The following PIP4K2A variants were observed in gnomAD, a reference collection of about 807,000 sequenced individuals.
The protein encoded by PIP4K2A is phosphatidylinositol 5-phosphate 4-kinase type-2 alpha.
PIP4K2A carries 14 observed loss-of-function variants against 42.9 expected under a neutral mutation model. The observed-to-expected ratio is 0.33, with a 90% confidence interval of 0.22 to 0.51. The LOEUF (loss-of-function observed/expected upper bound fraction) is 0.51. PIP4K2A is among the 20% of genes least tolerant of loss of function. PIP4K2A has a pLI of 0.97. For missense variants in PIP4K2A, 434 were observed against 519.8 expected (o/e 0.83, Z 1.61); for synonymous variants, 192 against 192.2 (o/e 1.00, Z 0.01).
intron 1 of PIP4K2A, among the ~76,000 whole-genome samples, chr10:22,624,904 G>C (rs1195100546): frequency 6.6e-6 from 1 of 152,106 alleles, no homozygotes; most frequent in Non-Finnish European, 1.5e-5. Flanking sequence ...TTAGTAACTT[G>C]GAAATAGAAT....
In PIP4K2A at chr10:22,605,560, C is replaced by A. The variant is rs547952173; in HGVS notation, c.339+2367G>T. ...TCTCTGCTGCAGTGCAGAACTCAGA[C>A]CATAATGGGTTCATTTTGGATCTCA... On this transcript the variant is annotated intron_variant, in intron 3 of 9. Transcript: ENST00000376573. Among the ~76,000 whole-genome samples the A allele has an allele frequency of 2.8e-4, 43 of 152,280 alleles. No individual in the cohort carries two copies. In the South Asian group the frequency reaches 8.9e-3, roughly 32 times the overall value.
Position 22,595,977 on chromosome 10 carries a change from G to A in PIP4K2A, c.340-4196C>T, listed in dbSNP as rs192344520. ...TCCCAGCACTTTGGGAGGCCAAGGC[G>A]GGCAGATCACCTGAGGCTGGGAGTT... On this transcript the variant is annotated intron_variant, in intron 3 of 9. Coordinates refer to ENST00000376573, the MANE Select transcript of PIP4K2A (RefSeq NM_005028.5). Among the ~76,000 whole-genome samples the A allele has an allele frequency of 5.3e-3, 805 of 152,014 alleles. 10 individuals carry two copies. The highest frequency in any genetic ancestry group is 0.018 in the African/African-American group (758 of 41,430).
At chr10:22,713,383 C>T (rs764819704) in intron 1 of PIP4K2A, among the ~76,000 whole-genome samples, 36 of 151,980 alleles carry the variant, frequency 2.4e-4, no homozygotes, top group Non-Finnish European at 5.3e-4. Context: ...GGGACCCCCG[C>T]CTGCTGTCCC....
chr10:22,691,109 A>G (rs1839858369), intron 1 of PIP4K2A, among the ~76,000 whole-genome samples: 1 of 152,220 alleles, frequency 6.6e-6, no homozygotes. Flanking sequence ...CCTGAGGTTC[A>G]GACGGTGTGT....
At chr10:22,613,493 C>A (rs1327884175) in intron 1 of PIP4K2A, among the ~76,000 whole-genome samples, 1 of 152,038 alleles carries the variant, frequency 6.6e-6, no homozygotes, top group African/African-American at 2.4e-5. Context: ...GGGGAGGGAG[C>A]AGAACTGATG....
intron 1 of PIP4K2A, among the ~76,000 whole-genome samples, chr10:22,649,335 T>C (rs1838946182): frequency 6.6e-6 from 1 of 152,196 alleles, no homozygotes; most frequent in South Asian, 2.1e-4. Context: ...TCTTTATTGT[T>C]TTAAGTTCAC....
rs1246321605 is a variant in PIP4K2A at position 22,550,692 on chromosome 10, C to G, written c.759G>C (p.Lys253Asn). 1.3e-6 allele frequency: 2 copies of G among 1,598,542 alleles called. No homozygotes were observed. The highest frequency in any genetic ancestry group is 1.7e-5 in the Admixed American group (1 of 59,998). ...QKIYIDDNNK[K>N]VFLEKLKKDV... is the part of the protein sequence containing the mutation. ...CCTTTTTTAGTTTTTCCAGGAAGAC[C>G]TTCTTGTTGTTGTCATCAATATAAA... The change falls in exon 7 of 10, where the codon AAG (lysine) becomes AAC (asparagine). Residue 253 changes from lysine (K) to asparagine (N), a missense_variant. Coordinates refer to ENST00000376573, the MANE Select transcript of PIP4K2A (RefSeq NM_005028.5).
Position 22,536,986 on chromosome 10 carries a change from A to T in PIP4K2A, c.*215T>A. On this transcript the variant is annotated 3_prime_UTR_variant, in exon 10 of 10. Coordinates refer to ENST00000376573, the MANE Select transcript of PIP4K2A (RefSeq NM_005028.5). ...CCCCCCAACACACACACACACACAT[A>T]TACACAAAGTCAGAAATAGCTAGAA... 2.4e-6 allele frequency: 1 copy of T among 417,180 alleles called. No individual in the cohort carries two copies. Among genetic ancestry groups the T allele is most frequent in the African/African-American group, 2.2e-5 (1 of 45,680 alleles). 25.8% of individuals were successfully genotyped at this position (417,180 alleles called of 1,614,324 possible).
intron 1 of PIP4K2A, among the ~76,000 whole-genome samples, chr10:22,679,727 A>G (rs956763650): frequency 6.6e-6 from 1 of 152,218 alleles, no homozygotes; most frequent in African/African-American, 2.4e-5. Context: ...CTTGACCCCC[A>G]TAAAAAGGAA....
At chr10:22,559,068 G>A (rs890802391) in intron 6 of PIP4K2A, among the ~76,000 whole-genome samples, 1 of 152,148 alleles carries the variant, frequency 6.6e-6, no homozygotes, top group Non-Finnish European at 1.5e-5. Flanking sequence ...GGATGGCTTC[G>A]TTCCAGTCGT....
At chr10:22,663,725 C>T (rs1839252831) in intron 1 of PIP4K2A, among the ~76,000 whole-genome samples, 2 of 151,828 alleles carry the variant, frequency 1.3e-5, no homozygotes, top group Admixed American at 1.3e-4. Flanking sequence ...GCGGAAAGCA[C>T]ACTAAACATA....
At position 22,626,306 on chromosome 10, in the gene PIP4K2A, T is replaced by C. The variant is rs372098790; in HGVS notation, c.145-16589A>G. Among the ~76,000 whole-genome samples, 8 of 152,336 alleles carry C rather than the reference T, an allele frequency of 5.3e-5. No homozygotes were observed. The East Asian group carries it at 1.5e-3, about 29-fold the overall frequency. ...TGAGCTCAGAGCTTTTCTCATATACTGAATTAATCATGTTTTCCTGGTGAG... is the reference window on the plus strand; with the variant it reads ...TGAGCTCAGAGCTTTTCTCATATACCGAATTAATCATGTTTTCCTGGTGAG... On this transcript the variant is annotated intron_variant, in intron 1 of 9. Coordinates refer to ENST00000376573, the MANE Select transcript of PIP4K2A (RefSeq NM_005028.5).
chr10:22,580,989 G>T (rs1837263394), intron 4 of PIP4K2A, among the ~76,000 whole-genome samples: 1 of 152,226 alleles, frequency 6.6e-6, no homozygotes, highest in Non-Finnish European at 1.5e-5. Flanking sequence ...GGCAGATGAG[G>T]CTGCAAATGG....
intron 1 of PIP4K2A, among the ~76,000 whole-genome samples, chr10:22,624,152 CA>C (rs2130752124): frequency 6.6e-6 from 1 of 152,294 alleles, no homozygotes; most frequent in Non-Finnish European, 1.5e-5. Context: ...GGCAGTACTA[CA>C]CTACAAATTC....
Position 22,543,361 on chromosome 10 carries a change from A to T in PIP4K2A, c.793-1314T>A, listed in dbSNP as rs554800553. Among the ~76,000 whole-genome samples, 99 of 152,312 alleles carry T rather than the reference A, an allele frequency of 6.5e-4. 2 individuals carry two copies. Among genetic ancestry groups the T allele is most frequent in the African/African-American group, 2.4e-3 (98 of 41,558 alleles). ...CAACAGGAATCCCCCAGGGCCAGCTATATCTTCCCCAATTGTTTTGAGCTC... is the reference window on the plus strand; with the variant it reads ...CAACAGGAATCCCCCAGGGCCAGCTTTATCTTCCCCAATTGTTTTGAGCTC... On this transcript the variant is annotated intron_variant, in intron 7 of 9. Transcript: ENST00000376573.
intron 1 of PIP4K2A, among the ~76,000 whole-genome samples, chr10:22,660,930 G>A (rs1211397771): frequency 1.3e-5 from 2 of 152,010 alleles, no homozygotes; most frequent in Non-Finnish European, 2.9e-5. Flanking sequence ...TTACAGACTC[G>A]GTGATAACGA....
chr10:22,542,843 T>C (rs74123076), intron 7 of PIP4K2A, among the ~76,000 whole-genome samples: 2,620 of 152,290 alleles, frequency 0.017, 58 homozygotes, highest in African/African-American at 0.058. Context: ...GTGCAAACAG[T>C]GGCAGCCCAT....
At chr10:22,564,516 C>G (rs946432904) in intron 6 of PIP4K2A, among the ~76,000 whole-genome samples, 1 of 152,214 alleles carries the variant, frequency 6.6e-6, no homozygotes, top group Non-Finnish European at 1.5e-5. Context: ...TGTACACACC[C>G]TGGCATTTCC....
At chr10:22,708,271 TGGGAACA>T (rs1326397759) in intron 1 of PIP4K2A, among the ~76,000 whole-genome samples, 3 of 152,210 alleles carry the variant, frequency 2.0e-5, no homozygotes, top group African/African-American at 7.2e-5. Context: ...TTCAAGCACT[TGGGAACA>T]TCTAATTGTG....
Sources: gnomAD v4.1 joint callset for allele counts (sites outside exome capture counted in the v4.1 genomes callset) on GRCh38, gnomAD v4.1.1 for gene constraint, MANE v1.5 for transcripts, NCBI Gene and HGNC (gene_info 2026-07-23, HGNC 2026-07-21) for gene names.